Variants in PIEZO2 observed in about 807,000 individuals in gnomAD.
PIEZO2 encodes piezo-type mechanosensitive ion channel component 2.
A neutral mutation model predicts 337.3 loss-of-function variants in PIEZO2; 172 were observed. That is an observed-to-expected ratio of 0.51 (90% CI 0.45 to 0.58). PIEZO2 has a LOEUF of 0.58. Among genes scored for constraint, PIEZO2 ranks in the 20% least tolerant of loss-of-function variants. The pLI, the probability that PIEZO2 is intolerant of heterozygous loss-of-function variation, is 0.00. For synonymous variants in PIEZO2, 1,251 were observed against 1,228.5 expected (o/e 1.02, Z -0.38); for missense variants, 3,028 against 3,391.3 (o/e 0.89, Z 2.66).
Position 10,795,918 on chromosome 18 carries a change from T to C in PIEZO2, c.1528-916A>G, listed in dbSNP as rs2039578175. 6.6e-6 allele frequency among the ~76,000 whole-genome samples: 1 copy of C among 152,130 alleles called. No individual in the cohort carries two copies. Among genetic ancestry groups the C allele is most frequent in the Non-Finnish European group, 1.5e-5 (1 of 68,030 alleles). On this transcript the variant is annotated intron_variant, in intron 12 of 55. Coordinates refer to ENST00000674853, the MANE Select transcript of PIEZO2 (RefSeq NM_001378183.1). This position sits in a 1 kb window ranked among gnomAD's most constrained non-coding sequence, Gnocchi z 4.4. ...AATTTGTTTTTGGGAAAAGGAGAGA[T>C]TATAGCTTCTTTTATCTTCTATCTA...
At chr18:10,720,401 GTGTATGTGTATGTGTATGTATATA>G (rs2036239383) in intron 36 of PIEZO2, among the ~76,000 whole-genome samples, 13 of 7,010 alleles carry the variant, frequency 1.9e-3, no homozygotes, top group Admixed American at 2.7e-3. Flanking sequence ...GTGTGTGTGT[GTGTATGTGTATGTGTATGTATATA>G]TATATATATA....
intron 42 of PIEZO2, 147 bp from the exon 43 acceptor site, chr18:10,702,318 TA>T: frequency 1.4e-6 from 1 of 724,762 alleles, no homozygotes; most frequent in South Asian, 2.0e-5. Flanking sequence ...TGTGGAATAG[TA>T]ACATTATCAT....
chr18:10,776,877 T>A (rs1411983144), intron 18 of PIEZO2, among the ~76,000 whole-genome samples: 1 of 152,158 alleles, frequency 6.6e-6, no homozygotes, highest in African/African-American at 2.4e-5. Flanking sequence ...AAAAACCCAC[T>A]CTAGTAAAAA....
At chr18:11,000,591 G>T (rs1236762349) in intron 2 of PIEZO2, among the ~76,000 whole-genome samples, 2 of 152,116 alleles carry the variant, frequency 1.3e-5, no homozygotes, top group Non-Finnish European at 2.9e-5. Flanking sequence ...CATGAGCAGG[G>T]CTCATTGCTT....
Position 11,148,320 on chromosome 18 carries a change from T to C in PIEZO2, c.64+205A>G, listed in dbSNP as rs2040859844. ...TTCCAGCACATGCCCGTCCCGAGCA[T>C]CCTGTTAAGAGATACCCCGATCGCG... On this transcript the variant is annotated intron_variant, in intron 1 of 55. Transcript: ENST00000674853. The surrounding 1 kb of genome is among the most constrained non-coding windows in gnomAD (Gnocchi z 5.2). 6.6e-6 allele frequency among the ~76,000 whole-genome samples: 1 copy of C among 152,028 alleles called. No homozygotes were observed. Among genetic ancestry groups the C allele is most frequent in the Admixed American group, 6.5e-5 (1 of 15,282 alleles).
rs1405379156 is a variant in PIEZO2 at position 10,782,851 on chromosome 18, C to T, written c.2492+1933G>A. On this transcript the variant is annotated intron_variant, in intron 17 of 55. Transcript: ENST00000674853. Reference sequence around the variant, plus strand: ...TGCATAGGCTAAACACTGCTATACACGCTTAAAGGGAATTCTGTGGGACCT... The same window carrying T: ...TGCATAGGCTAAACACTGCTATACATGCTTAAAGGGAATTCTGTGGGACCT... Among the ~76,000 whole-genome samples the T allele has an allele frequency of 3.9e-5, 6 of 152,078 alleles. No individual in the cohort carries two copies. In the East Asian group the frequency reaches 7.7e-4, roughly 20 times the overall value.
chr18:10,893,164 A>T (rs2042803356), intron 4 of PIEZO2, among the ~76,000 whole-genome samples: 3 of 152,228 alleles, frequency 2.0e-5, no homozygotes, highest in Admixed American at 2.0e-4. Flanking sequence ...TGATTTATTG[A>T]ATTATGGCTA....
intron 1 of PIEZO2, among the ~76,000 whole-genome samples, chr18:11,074,232 C>T (rs936665): frequency 4.6e-5 from 7 of 152,032 alleles, no homozygotes; most frequent in Non-Finnish European, 7.4e-5. Flanking sequence ...TCATAACGAG[C>T]GACCATATTC....
chr18:10,803,388 A>G (rs2039892281), intron 9 of PIEZO2, among the ~76,000 whole-genome samples: 1 of 152,190 alleles, frequency 6.6e-6, no homozygotes. Context: ...TTTTACTCAA[A>G]TGCTTAAATT....
chr18:10,797,615 A>G, intron 11 of PIEZO2, 93 bp from the exon 12 acceptor site: 2 of 1,465,638 alleles, frequency 1.4e-6, no homozygotes, highest in Non-Finnish European at 1.8e-6. Flanking sequence ...TGGTTTTGGT[A>G]TAGCCTTTTA....
In PIEZO2 at chr18:11,016,951, G is replaced by A. The variant is rs1409245410; in HGVS notation, c.161-37291C>T. Among the ~76,000 whole-genome samples the A allele has an allele frequency of 6.6e-6, 1 of 152,160 alleles. No homozygotes were observed. The highest frequency in any genetic ancestry group is 1.5e-5 in the Non-Finnish European group (1 of 68,040). ...GTTGGGAGAGACACTGACAAGCTGA[G>A]GGAAGTTCAGAGGAGAGCACAGGAT... On this transcript the variant is annotated intron_variant, in intron 2 of 55. Coordinates refer to ENST00000674853, the MANE Select transcript of PIEZO2 (RefSeq NM_001378183.1). The surrounding 1 kb of genome is among the most constrained non-coding windows in gnomAD (Gnocchi z 5.6).
At chr18:11,089,470 C>T (rs1252169210) in intron 1 of PIEZO2, among the ~76,000 whole-genome samples, 1 of 152,024 alleles carries the variant, frequency 6.6e-6, no homozygotes, top group Non-Finnish European at 1.5e-5. Flanking sequence ...ATGTGCCTGC[C>T]CAAACTCTTG....
At chr18:10,892,641 T>C (rs898982349) in intron 4 of PIEZO2, among the ~76,000 whole-genome samples, 2 of 149,482 alleles carry the variant, frequency 1.3e-5, no homozygotes, top group Non-Finnish European at 3.0e-5. Flanking sequence ...TGCACCTCAA[T>C]GAACCAGAGA....
rs1209492036 is a variant in PIEZO2, at chr18:11,078,144, TCACCACACACACACATACACA to T, written c.65-11943_65-11923del. Among the ~76,000 whole-genome samples, 1 of 124,262 alleles carries T rather than the reference TCACCACACACACACATACACA, an allele frequency of 8.0e-6. No homozygotes were observed. Among genetic ancestry groups the T allele is most frequent in the African/African-American group, 4.3e-5 (1 of 23,200 alleles). 81.5% of individuals were successfully genotyped at this position (124,262 alleles called of 152,430 possible). On this transcript the variant is annotated intron_variant, in intron 1 of 55. Coordinates refer to ENST00000674853, the MANE Select transcript of PIEZO2 (RefSeq NM_001378183.1). This position sits in a 1 kb window ranked among gnomAD's most constrained non-coding sequence, Gnocchi z 5.3. The stretch of plus-strand genomic sequence containing the variant: ...ACCATACACACACATACACACACAC[TCACCACACACACACATACACA>T]CACCACACACACATACACACACACA...
intron 40 of PIEZO2, 135 bp from the exon 41 acceptor site, chr18:10,705,881 G>T: frequency 8.8e-7 from 1 of 1,137,014 alleles, no homozygotes; most frequent in Non-Finnish European, 1.2e-6. Context: ...CATCTGCTTT[G>T]TTCTTTTAGG....
intron 35 of PIEZO2, among the ~76,000 whole-genome samples, 186 bp from the exon 36 acceptor site, chr18:10,731,707 A>C (rs1275041065): frequency 6.6e-6 from 1 of 152,054 alleles, no homozygotes; most frequent in Non-Finnish European, 1.5e-5. Flanking sequence ...TTGTAGTAAT[A>C]TATTTCATCT....
chr18:10,882,834 C>CTTTTTTTTTTTTTTTTTTTTTTTTTT (rs745618117), intron 4 of PIEZO2, among the ~76,000 whole-genome samples: 1 of 109,984 alleles, frequency 9.1e-6, no homozygotes, highest in African/African-American at 3.1e-5. Context: ...ACCACATTTT[C>CTTTTTTTTTTTTTTTTTTTTTTTTTT]TTTTTTTCTT....
chr18:10,792,741 T>A (rs2039445701), intron 13 of PIEZO2, among the ~76,000 whole-genome samples: 1 of 152,258 alleles, frequency 6.6e-6, no homozygotes, highest in Non-Finnish European at 1.5e-5. Context: ...AACATTCACA[T>A]ACAAGTTTTT....
At position 10,671,478 on chromosome 18, in the gene PIEZO2, T is replaced by TA. The variant is rs753508360; in HGVS notation, c.*48dup. 1.2e-5 allele frequency: 19 copies of TA among 1,555,408 alleles called. No homozygotes were observed. Among genetic ancestry groups the TA allele is most frequent in the South Asian group, 7.2e-5 (6 of 82,814 alleles). Reference sequence around the variant, plus strand: ...AGCTCTTATGAGAATATTGTGCTTTTAAAAAAAATTCAAATGTTAACATTA... The same window carrying TA: ...AGCTCTTATGAGAATATTGTGCTTTTAAAAAAAAATTCAAATGTTAACATTA... On this transcript the variant is annotated 3_prime_UTR_variant, in exon 56 of 56. Coordinates refer to ENST00000674853, the MANE Select transcript of PIEZO2 (RefSeq NM_001378183.1).
Sources: gnomAD v4.1 joint callset for allele counts (sites outside exome capture counted in the v4.1 genomes callset) on GRCh38, gnomAD v4.1.1 for gene constraint, Gnocchi (gnomAD v3.1) non-coding constraint, MANE v1.5 for transcripts, NCBI Gene and HGNC (gene_info 2026-07-23, HGNC 2026-07-21) for gene names.